The following EIF5B variants were observed in gnomAD, a reference collection of about 807,000 sequenced individuals.
The protein encoded by EIF5B is eIF-5B.
Under a neutral mutation model 147.5 loss-of-function variants are expected in EIF5B, and 47 were observed. The ratio of observed to expected loss-of-function variants is 0.32; its 90% CI spans 0.25 to 0.41. EIF5B has a LOEUF of 0.41. EIF5B is among the 10% of genes least tolerant of loss of function. The pLI, the probability that EIF5B is intolerant of heterozygous loss-of-function variation, is 1.00. For missense variants in EIF5B, 1,064 were observed against 1,413.2 expected (o/e 0.75, Z 3.96); for synonymous variants, 455 against 456.2 (o/e 1.00, Z 0.03).
At chr2:99,359,766 G>C (rs1674169453) in intron 1 of EIF5B, among the ~76,000 whole-genome samples, 5 of 152,202 alleles carry the variant, frequency 3.3e-5, no homozygotes, top group Admixed American at 2.6e-4. Context: ...TTGGTAAAAT[G>C]AGATAATAGG....
At chr2:99,397,155 G>C in intron 22 of EIF5B, 1 of 296,732 alleles carries the variant, frequency 3.4e-6, no homozygotes, top group Non-Finnish European at 6.2e-6. Context: ...AGTCAGTGTT[G>C]ACTCAGTGCT....
chr2:99,394,407 C>T lies in EIF5B; in HGVS notation c.3012+9C>T. 6.2e-7 allele frequency: 1 copy of T among 1,613,712 alleles called. No homozygotes were observed. The highest frequency in any genetic ancestry group is 8.5e-7 in the Non-Finnish European group (1 of 1,179,910). On this transcript the variant is annotated intron_variant, in intron 19 of 23. Transcript: ENST00000289371. ...AAACATCAGAAGTGCCCGTAAGTAA[C>T]TACAACTCGCTCCACAAGTGAATGG... is the stretch of plus-strand genomic sequence containing the variant.
intron 6 of EIF5B, among the ~76,000 whole-genome samples, chr2:99,365,417 C>T (rs1165876745): frequency 6.6e-6 from 1 of 152,144 alleles, no homozygotes; most frequent in African/African-American, 2.4e-5. Context: ...TGTGAAGAAA[C>T]CCAGTACTTA....
chr2:99,358,526 GTGTTC>G (rs1674141297), intron 1 of EIF5B, among the ~76,000 whole-genome samples: 1 of 152,228 alleles, frequency 6.6e-6, no homozygotes, highest in African/African-American at 2.4e-5. Flanking sequence ...AAGAATGACA[GTGTTC>G]AGATCTGGTA....
At chr2:99,361,906 A>G in intron 4 of EIF5B, 86 bp downstream of exon 4, 1 of 1,308,560 alleles carries the variant, frequency 7.6e-7, no homozygotes, top group Non-Finnish European at 1.0e-6. Context: ...TCGTTTTGTT[A>G]TTTGTCCATG....
intron 1 of EIF5B, among the ~76,000 whole-genome samples, chr2:99,350,277 G>A (rs944960994): frequency 1.3e-5 from 2 of 152,156 alleles, no homozygotes; most frequent in Admixed American, 6.5e-5. Context: ...CTTCAACATA[G>A]CAATTTCATT....
At chr2:99,368,815 A>T (rs995708072) in intron 7 of EIF5B, among the ~76,000 whole-genome samples, 1 of 152,230 alleles carries the variant, frequency 6.6e-6, no homozygotes, top group African/African-American at 2.4e-5. Flanking sequence ...TACCCTATGA[A>T]TATTGTAACT....
chr2:99,364,128 T>G, intron 5 of EIF5B, 143 bp from the exon 6 acceptor site: 3 of 1,226,908 alleles, frequency 2.4e-6, no homozygotes, highest in Non-Finnish European at 3.4e-6. Flanking sequence ...TGTATAACAT[T>G]TAAAATACTT....
At chr2:99,376,122 T>G (rs1674559908) in intron 9 of EIF5B, among the ~76,000 whole-genome samples, 1 of 152,182 alleles carries the variant, frequency 6.6e-6, no homozygotes, top group African/African-American at 2.4e-5. Flanking sequence ...ATTTGTAAAC[T>G]TTCTTAAAAC....
chr2:99,392,275 G>A lies in EIF5B; in HGVS notation c.2749-692G>A, dbSNP rs1408297335. ...TTTTTAGTAGAGGTGGGGTTTTGCCGTGTTGGCCAGGCTAGTCTCGAACTC... is the reference window on the plus strand; with the variant it reads ...TTTTTAGTAGAGGTGGGGTTTTGCCATGTTGGCCAGGCTAGTCTCGAACTC... On this transcript the variant is annotated intron_variant, in intron 17 of 23. Coordinates refer to ENST00000289371, the MANE Select transcript of EIF5B (RefSeq NM_015904.4). Among the ~76,000 whole-genome samples the A allele has an allele frequency of 3.3e-5, 5 of 151,836 alleles. 1 individual carries two copies. The highest frequency in any genetic ancestry group is 2.0e-4 in the Admixed American group (3 of 15,248).
At chr2:99,397,875 TTTC>T (rs909213458) in intron 22 of EIF5B, 4 of 152,160 alleles carry the variant, frequency 2.6e-5, no homozygotes, top group Non-Finnish European at 5.9e-5. Context: ...TGTCCCCCCA[TTTC>T]TTACAAAGAA....
At chr2:99,338,208 C>T (rs1378011553) in intron 1 of EIF5B, 7 of 758,004 alleles carry the variant, frequency 9.2e-6, no homozygotes, top group South Asian at 5.7e-5. Context: ...TCTAGCCTTC[C>T]CCTAAGAAAG....
At chr2:99,354,913 C>T (rs974111010) in intron 1 of EIF5B, among the ~76,000 whole-genome samples, 1 of 150,634 alleles carries the variant, frequency 6.6e-6, no homozygotes, top group Non-Finnish European at 1.5e-5. Context: ...AGAGATTCTC[C>T]TGCTTCAGCC....
Position 99,399,549 on chromosome 2 carries a change from A to G in EIF5B, c.*135A>G, listed in dbSNP as rs566886149. On this transcript the variant is annotated 3_prime_UTR_variant, in exon 24 of 24. Coordinates refer to ENST00000289371, the MANE Select transcript of EIF5B (RefSeq NM_015904.4). Reference sequence around the variant, plus strand: ...GTATGGAAGGAAGAAAAATAGGTGTATAAAATGTTTTCCATGAGAAACCAA... The same window carrying G: ...GTATGGAAGGAAGAAAAATAGGTGTGTAAAATGTTTTCCATGAGAAACCAA... 3.6e-5 allele frequency: 27 copies of G among 755,538 alleles called. No homozygotes were observed. The African/African-American group carries it at 4.0e-4, about 11-fold the overall frequency. 46.8% of individuals were successfully genotyped at this position (755,538 alleles called of 1,614,324 possible). A position where few individuals can be genotyped will look rare whatever the true frequency, so the allele number is the denominator to read the frequency against.
chr2:99,351,050 G>A (rs373657962), intron 1 of EIF5B, among the ~76,000 whole-genome samples: 240 of 152,342 alleles, frequency 1.6e-3, no homozygotes, highest in Non-Finnish European at 2.7e-3. Context: ...AAAAGGGCCA[G>A]GCATGGTGGC....
Position 99,357,055 on chromosome 2 carries a change from A to G in EIF5B, c.36-3181A>G, listed in dbSNP as rs141658718. Among the ~76,000 whole-genome samples the G allele has an allele frequency of 3.5e-3, 536 of 152,298 alleles. 5 individuals are homozygous for G. The highest frequency in any genetic ancestry group is 0.012 in the African/African-American group (513 of 41,552). ...TGGTTAGTGTTTTCATTTTAATACTAGTATCCTCAGAGCTCTATTTCTGGG... is the reference window on the plus strand; with the variant it reads ...TGGTTAGTGTTTTCATTTTAATACTGGTATCCTCAGAGCTCTATTTCTGGG... On this transcript the variant is annotated intron_variant, in intron 1 of 23. Transcript: ENST00000289371.
chr2:99,387,873 G>A (rs1263394343), intron 14 of EIF5B, among the ~76,000 whole-genome samples: 1 of 152,040 alleles, frequency 6.6e-6, no homozygotes, highest in Non-Finnish European at 1.5e-5. Context: ...GACGAGGTCT[G>A]TGTTACCCAG....
intron 1 of EIF5B, among the ~76,000 whole-genome samples, chr2:99,351,948 C>A (rs1169905867): frequency 6.6e-6 from 1 of 152,128 alleles, no homozygotes; most frequent in Non-Finnish European, 1.5e-5. Flanking sequence ...GATCTGCCCA[C>A]CTCGGCCTCC....
Position 99,363,896 on chromosome 2 carries a change from G to T in EIF5B, c.1137+34G>T, listed in dbSNP as rs375797022. On this transcript the variant is annotated intron_variant, in intron 5 of 23. Coordinates refer to ENST00000289371, the MANE Select transcript of EIF5B (RefSeq NM_015904.4). The stretch of plus-strand genomic sequence containing the variant: ...TCATGAAGTTGGTAACATTGATATT[G>T]TGTTTAACTTAAAATCTATTCTCTG... 1.9e-6 allele frequency: 3 copies of T among 1,568,814 alleles called. No homozygotes were observed. The African/African-American group carries it at 4.1e-5, about 22-fold the overall frequency.
Sources: gnomAD v4.1 joint callset for allele counts (sites outside exome capture counted in the v4.1 genomes callset) on GRCh38, gnomAD v4.1.1 for gene constraint, MANE v1.5 for transcripts, NCBI Gene and HGNC (gene_info 2026-07-23, HGNC 2026-07-21) for gene names.